The following LRPPRC variants were observed in gnomAD, a reference collection of about 807,000 sequenced individuals.
LRPPRC encodes leucine rich pentatricopeptide repeat containing.
A neutral mutation model predicts 180.3 loss-of-function variants in LRPPRC; 120 were observed. The observed-to-expected ratio is 0.67, with a 90% confidence interval of 0.57 to 0.77. The LOEUF (loss-of-function observed/expected upper bound fraction) is 0.77, where lower values mean the gene tolerates loss of function less well. LRPPRC is among the 30% of genes least tolerant of loss of function. LRPPRC has a pLI of 0.00. For synonymous variants in LRPPRC, 723 were observed against 600.0 expected, an observed-to-expected ratio of 1.21 and a Z score of -3.00; for missense variants, 2,012 against 1,657.2, an observed-to-expected ratio of 1.21 and a Z score of -3.72.
intron 8 of LRPPRC, 62 bp from the exon 9 acceptor site, chr2:43,974,357 A>C: frequency 8.3e-7 from 1 of 1,202,812 alleles, no homozygotes; most frequent in Non-Finnish European, 1.2e-6. Flanking sequence ...CACTGCAACC[A>C]ATGTTCCAAT....
At chr2:43,983,187 T>C (rs964732395) in intron 1 of LRPPRC, among the ~76,000 whole-genome samples, 24 of 152,196 alleles carry the variant, frequency 1.6e-4, no homozygotes, top group African/African-American at 5.3e-4. Context: ...GTACATTATG[T>C]GTTTACAAAG....
chr2:43,974,357 A>G, intron 8 of LRPPRC, 62 bp from the exon 9 acceptor site: 6 of 1,202,812 alleles, frequency 5.0e-6, no homozygotes, highest in Non-Finnish European at 7.4e-6. Flanking sequence ...CACTGCAACC[A>G]ATGTTCCAAT....
At position 43,910,899 on chromosome 2, in the gene LRPPRC, T is replaced by A. The variant is rs559621006; in HGVS notation, c.3275+1533A>T. On this transcript the variant is annotated intron_variant, in intron 30 of 37. Coordinates refer to ENST00000260665, the MANE Select transcript of LRPPRC (RefSeq NM_133259.4). ...CTTTGTGACCAAACTCAAAATCTAA[T>A]TTTTTTTAAGTTTTCTGTCTTTGCT... Among the ~76,000 whole-genome samples the A allele has an allele frequency of 1.7e-4, 26 of 152,050 alleles. No individual in the cohort carries two copies. The South Asian group carries it at 5.4e-3, about 32-fold the overall frequency.
chr2:43,934,244 G>C lies in LRPPRC; in HGVS notation c.2682C>G (p.Leu894=). The C allele has an allele frequency of 6.2e-7, 1 of 1,612,424 alleles. No homozygotes were observed. Residue 894 remains leucine (L), a synonymous_variant, in exon 25 of 38, where the codon CTC becomes CTG. Coordinates refer to ENST00000260665, the MANE Select transcript of LRPPRC (RefSeq NM_133259.4). ...EQGEMVMLYD[L]FFAFLQTGNY... ...TTCCTGTTTGTAGGAAGGCAAAGAA[G>C]AGATCATAGAGCATCACCATTTCAC...
chr2:43,980,305 G>A (rs1044130828), intron 2 of LRPPRC, among the ~76,000 whole-genome samples: 1 of 152,168 alleles, frequency 6.6e-6, no homozygotes, highest in African/African-American at 2.4e-5. Context: ...GCGAATCCCA[G>A]TACTTTGGGA....
intron 11 of LRPPRC, 34 bp from the exon 12 acceptor site, chr2:43,963,740 GAACTT>G: frequency 1.8e-6 from 2 of 1,099,866 alleles, no homozygotes; most frequent in Non-Finnish European, 2.8e-6. Context: ...CAGAGATAGA[GAACTT>G]AGAATAAAGT....
chr2:43,971,485 T>TAAAAAAAAAAAAA (rs528659622), intron 11 of LRPPRC, among the ~76,000 whole-genome samples: 2,024 of 62,298 alleles, frequency 0.032, 240 homozygotes, highest in African/African-American at 0.059. Flanking sequence ...TGTGTCACAG[T>TAAAAAAAAAAAAA]AAAAAAAAAA....
chr2:43,895,641 C>T (rs1670650877), intron 35 of LRPPRC, among the ~76,000 whole-genome samples: 2 of 152,200 alleles, frequency 1.3e-5, no homozygotes, highest in African/African-American at 4.8e-5. Flanking sequence ...GTCACAGATG[C>T]AATGAAGCAA....
At chr2:43,946,314 C>T in intron 20 of LRPPRC, 71 bp from the exon 21 acceptor site, 3 of 1,213,056 alleles carry the variant, frequency 2.5e-6, no homozygotes, top group Non-Finnish European at 3.7e-6. Flanking sequence ...TTTAGCTTTA[C>T]TGTTCAGAGT....
Position 43,888,435 on chromosome 2 carries a change from A to G in LRPPRC, c.*165T>C. The G allele has an allele frequency of 1.8e-6, 1 of 568,220 alleles. No individual in the cohort carries two copies. The highest frequency in any genetic ancestry group is 2.0e-5 in the South Asian group (1 of 50,612). 35.2% of individuals were successfully genotyped at this position (568,220 alleles called of 1,614,324 possible). On this transcript the variant is annotated 3_prime_UTR_variant, in exon 38 of 38. Coordinates refer to ENST00000260665, the MANE Select transcript of LRPPRC (RefSeq NM_133259.4). ...GAGAAAAAAACTCCAAAAATGTCCAATAACCAAGTGCACAGAGTTATGGTC... is the reference window on the plus strand; with the variant it reads ...GAGAAAAAAACTCCAAAAATGTCCAGTAACCAAGTGCACAGAGTTATGGTC...
rs1195236662 is a variant in LRPPRC, at chr2:43,918,251, A to G, written c.3039+5T>C. On this transcript the variant is annotated splice_donor_5th_base_variant and intron_variant, in intron 28 of 37. Coordinates refer to ENST00000260665, the MANE Select transcript of LRPPRC (RefSeq NM_133259.4). ...ATCTGTTACGATTATGCCAAAAACA[A>G]TTACCTCAGGTACGTCAAACGGAAC... The G allele has an allele frequency of 2.5e-6, 4 of 1,613,182 alleles. No individual in the cohort carries two copies. Among genetic ancestry groups the G allele is most frequent in the Non-Finnish European group, 3.4e-6 (4 of 1,179,144 alleles).
At chr2:43,951,710 A>C (rs1432372531) in intron 14 of LRPPRC, among the ~76,000 whole-genome samples, 2 of 152,226 alleles carry the variant, frequency 1.3e-5, no homozygotes, top group Non-Finnish European at 2.9e-5. Context: ...GGATGGGTAC[A>C]TGGCAGCTCT....
intron 36 of LRPPRC, among the ~76,000 whole-genome samples, chr2:43,891,714 T>C (rs1670498697): frequency 6.6e-6 from 1 of 152,190 alleles, no homozygotes; most frequent in East Asian, 1.9e-4. Flanking sequence ...AACCCTATTA[T>C]AGCCTCTAAG....
chr2:43,977,391 A>T, intron 3 of LRPPRC, 115 bp from the exon 4 acceptor site: 1 of 807,896 alleles, frequency 1.2e-6, no homozygotes, highest in South Asian at 1.5e-5. Context: ...CATTTCACCC[A>T]TCCATCTTGG....
chr2:43,947,472 A>C, intron 19 of LRPPRC, 102 bp from the exon 20 acceptor site: 1 of 695,406 alleles, frequency 1.4e-6, no homozygotes, highest in South Asian at 1.6e-5. Context: ...CTACCTTCCT[A>C]AATGTCATAA....
intron 1 of LRPPRC, among the ~76,000 whole-genome samples, chr2:43,994,441 A>G (rs551151203): frequency 6.6e-6 from 1 of 152,342 alleles, no homozygotes; most frequent in African/African-American, 2.4e-5. Context: ...CAGGCCCTAT[A>G]CTAAGTGCTT....
chr2:43,934,384 A>C (rs1422520284), intron 24 of LRPPRC, 88 bp from the exon 25 acceptor site: 2 of 679,324 alleles, frequency 2.9e-6, no homozygotes, highest in African/African-American at 1.8e-5. Context: ...AAATACAAGA[A>C]AAATTTATTT....
At chr2:43,907,524 C>T (rs550120313) in intron 30 of LRPPRC, among the ~76,000 whole-genome samples, 1 of 152,148 alleles carries the variant, frequency 6.6e-6, no homozygotes, top group Non-Finnish European at 1.5e-5. Context: ...ATCCAATCAT[C>T]CAATAACCCT....
rs1264424869 is a variant in LRPPRC at position 43,995,931 on chromosome 2, C to T, written c.17G>A (p.Arg6Lys). The change falls in exon 1 of 38, where the codon AGA (arginine) becomes AAA (lysine). Residue 6 changes from arginine (R) to lysine (K), a missense_variant. Coordinates refer to ENST00000260665, the MANE Select transcript of LRPPRC (RefSeq NM_133259.4). MAALL[R>K]SARWLLRAGA... Reference sequence around the variant, plus strand: ...GGCACGCAGCAACCAACGCGCGGATCTCAGCAGGGCTGCCATTGCTCGAAC... The same window carrying T: ...GGCACGCAGCAACCAACGCGCGGATTTCAGCAGGGCTGCCATTGCTCGAAC... 2 of 1,521,164 alleles carry T rather than the reference C, an allele frequency of 1.3e-6. No individual in the cohort carries two copies. The highest frequency in any genetic ancestry group is 1.4e-5 in the African/African-American group (1 of 70,810). 94.2% of individuals were successfully genotyped at this position (1,521,164 alleles called of 1,614,324 possible). A position where few individuals can be genotyped will look rare whatever the true frequency, so the allele number is the denominator to read the frequency against.
Sources: allele counts gnomAD v4.1 joint callset (sites outside exome capture counted in the v4.1 genomes callset), GRCh38; gene constraint gnomAD v4.1.1; transcripts MANE v1.5; gene names NCBI Gene and HGNC (gene_info 2026-07-23, HGNC 2026-07-21).